The following HUNK variants were observed in gnomAD, a reference collection of about 807,000 sequenced individuals.
HUNK encodes hormonally up-regulated neu tumor-associated kinase.
A neutral mutation model predicts 61.0 loss-of-function variants in HUNK; 21 were observed. That is an observed-to-expected ratio of 0.34 (90% CI 0.24 to 0.50). HUNK has a LOEUF of 0.50. Ranked by LOEUF, HUNK falls within the 20% of genes least tolerant of loss-of-function variation. The pLI is 0.98. For synonymous variants in HUNK, 371 were observed against 386.1 expected (o/e 0.96, Z 0.46); for missense variants, 772 against 945.7 (o/e 0.82, Z 2.41).
chr21:32,000,560 G>A lies in HUNK; in HGVS notation c.*1376G>A, dbSNP rs1206201442. ...CAGCACAGGTTGGATAGGGGTTAGT[G>A]TAGGAGACCAGTTACAGAATGGCCT... On this transcript the variant is annotated 3_prime_UTR_variant, in exon 11 of 11. Coordinates refer to ENST00000270112, the MANE Select transcript of HUNK (RefSeq NM_014586.2). 4 of 399,062 alleles carry A rather than the reference G, an allele frequency of 1.0e-5. No homozygotes were observed. The highest frequency in any genetic ancestry group is 1.3e-5 in the Non-Finnish European group (3 of 226,158). The allele number at this position is 399,062 out of a possible 1,614,324, so 24.7% of individuals were successfully genotyped here.
chr21:31,946,690 C>T (rs1200109431), intron 4 of HUNK, among the ~76,000 whole-genome samples: 2 of 152,142 alleles, frequency 1.3e-5, no homozygotes, highest in African/African-American at 2.4e-5. Flanking sequence ...TCTCAGCTCA[C>T]TGCAACCTCC....
At chr21:31,965,660 G>A (rs923191705) in intron 5 of HUNK, among the ~76,000 whole-genome samples, 3 of 146,122 alleles carry the variant, frequency 2.1e-5, no homozygotes, top group Non-Finnish European at 4.5e-5. Context: ...GGAGTGCAAT[G>A]GCGTGATCTC....
chr21:31,922,478 C>T (rs756963283), intron 1 of HUNK, among the ~76,000 whole-genome samples: 2 of 152,048 alleles, frequency 1.3e-5, no homozygotes, highest in Non-Finnish European at 2.9e-5. Context: ...AGGCATCCAC[C>T]ACCACGCCCA....
intron 1 of HUNK, among the ~76,000 whole-genome samples, chr21:31,882,939 G>A (rs1471855121): frequency 2.0e-5 from 3 of 151,808 alleles, no homozygotes; most frequent in African/African-American, 7.3e-5. Flanking sequence ...ATGTTAATTA[G>A]TTATTGCATA....
intron 10 of HUNK, among the ~76,000 whole-genome samples, chr21:31,997,279 T>G (rs1022065469): frequency 6.6e-6 from 1 of 152,256 alleles, no homozygotes; most frequent in Non-Finnish European, 1.5e-5. Context: ...GATTCTAGTC[T>G]ATGCCAACCA....
chr21:31,923,939 G>A lies in HUNK; in HGVS notation c.262-529G>A, dbSNP rs11910591. ...GGGTGTGCACAGGGCAGGGCGGAGC[G>A]GGGGCGGGCAAGGCTAGGGGTGCTG... On this transcript the variant is annotated intron_variant, in intron 1 of 10. Coordinates refer to ENST00000270112, the MANE Select transcript of HUNK (RefSeq NM_014586.2). 5.4e-3 allele frequency among the ~76,000 whole-genome samples: 826 copies of A among 152,226 alleles called. 12 individuals carry two copies. The highest frequency in any genetic ancestry group is 0.019 in the African/African-American group (791 of 41,532).
At chr21:31,932,408 C>A (rs1018954157) in intron 2 of HUNK, among the ~76,000 whole-genome samples, 5 of 152,084 alleles carry the variant, frequency 3.3e-5, no homozygotes, top group African/African-American at 1.2e-4. Context: ...TCCAACTGAC[C>A]ATCTTGAAAG....
chr21:31,992,605 G>A (rs1043000253), intron 9 of HUNK, among the ~76,000 whole-genome samples: 15 of 152,250 alleles, frequency 9.9e-5, no homozygotes, highest in Non-Finnish European at 1.9e-4. Context: ...GGGTGCTGGA[G>A]CGCATCGGAG....
chr21:31,938,424 A>G (rs760397203), intron 2 of HUNK, among the ~76,000 whole-genome samples: 3 of 152,008 alleles, frequency 2.0e-5, no homozygotes, highest in African/African-American at 4.8e-5. Flanking sequence ...TCAAATCCAG[A>G]CCTCTGGCTT....
chr21:31,942,753 C>G (rs1048116822), intron 3 of HUNK, among the ~76,000 whole-genome samples: 1 of 152,084 alleles, frequency 6.6e-6, no homozygotes, highest in Non-Finnish European at 1.5e-5. Flanking sequence ...GCAGGATGCC[C>G]GCACCTGCTA....
intron 1 of HUNK, among the ~76,000 whole-genome samples, chr21:31,876,677 AAGG>A (rs1223043937): frequency 6.6e-6 from 1 of 152,214 alleles, no homozygotes; most frequent in Non-Finnish European, 1.5e-5. Context: ...AGCTGAGGAA[AAGG>A]AGGTCATTAA....
intron 7 of HUNK, among the ~76,000 whole-genome samples, chr21:31,981,025 G>A (rs1038798843): frequency 2.0e-5 from 3 of 152,224 alleles, no homozygotes; most frequent in Non-Finnish European, 4.4e-5. Flanking sequence ...AACTCATTTT[G>A]AGTTGACTTT....
chr21:31,880,954 G>A (rs752557438), intron 1 of HUNK, among the ~76,000 whole-genome samples: 35 of 152,228 alleles, frequency 2.3e-4, no homozygotes, highest in Non-Finnish European at 4.1e-4. Context: ...AGCTGAGCTG[G>A]CCCTTCAGAG....
intron 2 of HUNK, among the ~76,000 whole-genome samples, chr21:31,936,137 G>A (rs923828989): frequency 6.6e-6 from 1 of 152,150 alleles, no homozygotes; most frequent in African/African-American, 2.4e-5. Context: ...GTTTGGGTGT[G>A]CCAACGTTTG....
Position 31,995,755 on chromosome 21 carries a change from T to C in HUNK, c.1306-13T>C. The C allele has an allele frequency of 1.2e-6, 2 of 1,610,236 alleles. No homozygotes were observed. The highest frequency in any genetic ancestry group is 1.7e-6 in the Non-Finnish European group (2 of 1,177,386). Reference sequence around the variant, plus strand: ...TATGTGTCTAAGTGCATATGTTTGCTTCTGATTTGTAGGATAAAAAGCCCA... The same window carrying C: ...TATGTGTCTAAGTGCATATGTTTGCCTCTGATTTGTAGGATAAAAAGCCCA... On this transcript the variant is annotated splice_polypyrimidine_tract_variant and intron_variant, in intron 9 of 10. Coordinates refer to ENST00000270112, the MANE Select transcript of HUNK (RefSeq NM_014586.2).
chr21:31,985,183 AC>A (rs34405661), intron 8 of HUNK, among the ~76,000 whole-genome samples: 4 of 152,162 alleles, frequency 2.6e-5, no homozygotes, highest in African/African-American at 9.7e-5. Flanking sequence ...CAAGTCACCC[AC>A]CCAGAAGTTC....
chr21:31,903,003 T>A (rs942977080), intron 1 of HUNK, among the ~76,000 whole-genome samples: 6 of 152,158 alleles, frequency 3.9e-5, no homozygotes, highest in African/African-American at 1.4e-4. Flanking sequence ...AATTTTACTT[T>A]TTTTTTCTCG....
At chr21:31,946,673 C>A (rs1002144594) in intron 4 of HUNK, among the ~76,000 whole-genome samples, 1 of 151,990 alleles carries the variant, frequency 6.6e-6, no homozygotes, top group Non-Finnish European at 1.5e-5. Context: ...AGAGTGCAGT[C>A]GTGTGATCTC....
At chr21:31,990,902 G>A (rs918451939) in intron 9 of HUNK, among the ~76,000 whole-genome samples, 4 of 152,078 alleles carry the variant, frequency 2.6e-5, no homozygotes, top group Non-Finnish European at 4.4e-5. Flanking sequence ...AAACAACTGG[G>A]TACCATGGCC....
Sources: gnomAD v4.1 joint callset for allele counts (sites outside exome capture counted in the v4.1 genomes callset) on GRCh38, gnomAD v4.1.1 for gene constraint, MANE v1.5 for transcripts, NCBI Gene and HGNC (gene_info 2026-07-23, HGNC 2026-07-21) for gene names.